The following NOX3 variants were observed in gnomAD, a reference collection of about 807,000 sequenced individuals.
The protein encoded by NOX3 is NADPH oxidase 3.
Under a neutral mutation model 76.7 loss-of-function variants are expected in NOX3, and 74 were observed. The observed-to-expected ratio is 0.96, with a 90% CI of 0.80 to 1.17. The LOEUF (loss-of-function observed/expected upper bound fraction) is 1.17, where lower values mean the gene tolerates loss of function less well. Among genes scored for constraint, NOX3 ranks in the 50% most tolerant of loss-of-function variants. The pLI is 0.00. For missense variants in NOX3, 695 were observed against 703.3 expected (o/e 0.99, Z 0.13); for synonymous variants, 263 against 261.1 (o/e 1.01, Z -0.07).
At chr6:155,397,781 A>C (rs1779158977) in intron 12 of NOX3, among the ~76,000 whole-genome samples, 2 of 152,238 alleles carry the variant, frequency 1.3e-5, no homozygotes, top group Non-Finnish European at 2.9e-5. Flanking sequence ...TAGCAATTTA[A>C]TTAATTTCTC....
intron 10 of NOX3, among the ~76,000 whole-genome samples, chr6:155,413,978 T>C (rs934892834): frequency 2.0e-5 from 3 of 152,232 alleles, no homozygotes; most frequent in African/African-American, 4.8e-5. Context: ...TCTTTTCAAA[T>C]AGAAATCCTT....
intron 10 of NOX3, among the ~76,000 whole-genome samples, chr6:155,421,793 C>T (rs772002437): frequency 2.0e-5 from 3 of 152,134 alleles, no homozygotes; most frequent in Non-Finnish European, 4.4e-5. Context: ...CTGCGCCCCA[C>T]CCCCGCAGAA....
intron 4 of NOX3, among the ~76,000 whole-genome samples, chr6:155,448,628 T>C (rs895400156): frequency 7.1e-6 from 1 of 141,804 alleles, no homozygotes; most frequent in Non-Finnish European, 1.5e-5. Context: ...GAGCTTTCCA[T>C]TGAAGAGTGA....
At chr6:155,450,793 A>T (rs1777124259) in intron 4 of NOX3, among the ~76,000 whole-genome samples, 1 of 151,982 alleles carries the variant, frequency 6.6e-6, no homozygotes, top group African/African-American at 2.4e-5. Flanking sequence ...AGCCAGGGGG[A>T]TATGGCAGGA....
intron 10 of NOX3, among the ~76,000 whole-genome samples, chr6:155,412,966 G>A (rs183609862): frequency 6.6e-6 from 1 of 152,328 alleles, no homozygotes; most frequent in Admixed American, 6.5e-5. Flanking sequence ...ACCCCAGGCG[G>A]GTTAGAAGTG....
rs59359497 is a variant in NOX3, at chr6:155,420,714, A to G, written c.1308+1980T>C. Among the ~76,000 whole-genome samples the G allele has an allele frequency of 6.2e-3, 948 of 152,326 alleles. 14 individuals are homozygous for G. Among genetic ancestry groups the G allele is most frequent in the African/African-American group, 0.021 (891 of 41,572 alleles). On this transcript the variant is annotated intron_variant, in intron 10 of 13. Coordinates refer to ENST00000159060, the MANE Select transcript of NOX3 (RefSeq NM_015718.3). Reference sequence around the variant, plus strand: ...TAGTTTTCTCATCTGTAAAATGGGAATAAAAATGATAAGTATGACGAAAAG... The same window carrying G: ...TAGTTTTCTCATCTGTAAAATGGGAGTAAAAATGATAAGTATGACGAAAAG...
intron 12 of NOX3, among the ~76,000 whole-genome samples, chr6:155,399,481 G>A (rs1162809164): frequency 6.6e-6 from 1 of 152,172 alleles, no homozygotes; most frequent in Non-Finnish European, 1.5e-5. Flanking sequence ...ATCCGCCGTG[G>A]TGATGCAATC....
At chr6:155,431,352 A>G (rs1219372196) in intron 7 of NOX3, among the ~76,000 whole-genome samples, 4 of 151,784 alleles carry the variant, frequency 2.6e-5, no homozygotes, top group Non-Finnish European at 5.9e-5. Flanking sequence ...AAAATCTCAA[A>G]TAGTAATTTT....
chr6:155,438,833 A>C (rs996112325), intron 6 of NOX3, among the ~76,000 whole-genome samples: 17 of 152,186 alleles, frequency 1.1e-4, no homozygotes, highest in African/African-American at 4.1e-4. Flanking sequence ...TGGGAGAATG[A>C]GGGGTGGAAG....
chr6:155,440,677 AAAAAAC>A (rs1776972566), intron 5 of NOX3, among the ~76,000 whole-genome samples: 2 of 143,922 alleles, frequency 1.4e-5, no homozygotes, highest in Non-Finnish European at 3.0e-5. Flanking sequence ...GGGAAAAAAG[AAAAAAC>A]AAAAAAAAAA....
At position 155,451,498 on chromosome 6, in the gene NOX3, T is replaced by C. The variant is rs141903620; in HGVS notation, c.340+1906A>G. Among the ~76,000 whole-genome samples the C allele has an allele frequency of 1.6e-4, 24 of 152,328 alleles. 1 individual carries two copies. In the East Asian group the frequency reaches 4.6e-3, roughly 29 times the overall value. On this transcript the variant is annotated intron_variant, in intron 4 of 13. Transcript: ENST00000159060. Reference sequence around the variant, plus strand: ...GTATCTTTAACACGGGGGATATTCATTATACGTTTCTAATGCATTGGTATT... The same window carrying C: ...GTATCTTTAACACGGGGGATATTCACTATACGTTTCTAATGCATTGGTATT...
At chr6:155,420,946 A>C (rs1017888433) in intron 10 of NOX3, among the ~76,000 whole-genome samples, 1 of 152,180 alleles carries the variant, frequency 6.6e-6, no homozygotes, top group Non-Finnish European at 1.5e-5. Flanking sequence ...TTAGCATTAA[A>C]ACTCCCTGTT....
At chr6:155,447,048 C>T (rs1395871839) in intron 4 of NOX3, among the ~76,000 whole-genome samples, 1 of 143,822 alleles carries the variant, frequency 7.0e-6, no homozygotes, top group African/African-American at 2.5e-5. Flanking sequence ...TATTTTATAA[C>T]TTTTTTTTTT....
Position 155,409,082 on chromosome 6 carries a change from G to C in NOX3, c.1456-1828C>G, listed in dbSNP as rs117264174. 8.3e-3 allele frequency among the ~76,000 whole-genome samples: 1,262 copies of C among 152,194 alleles called. 10 individuals carry two copies. Among genetic ancestry groups the C allele is most frequent in the Non-Finnish European group, 0.015 (1,008 of 67,996 alleles). On this transcript the variant is annotated intron_variant, in intron 11 of 13. Coordinates refer to ENST00000159060, the MANE Select transcript of NOX3 (RefSeq NM_015718.3). ...TAACAAATGGGCACACGCACCCTCTGAATCTAAAAAATAAAGAAAATATAA... is the reference window on the plus strand; with the variant it reads ...TAACAAATGGGCACACGCACCCTCTCAATCTAAAAAATAAAGAAAATATAA...
Position 155,443,362 on chromosome 6 carries a change from C to G in NOX3, c.397G>C (p.Glu133Gln). Reference protein sequence around the residue: ...NLERYHWSQSEEAQGLLAALS... With the variant: ...NLERYHWSQSQEAQGLLAALS... ...GCGGCCAGAAGTCCCTGGGCCTCCTCGGACTGGCTCCAGTGGTAGCGTTCC... is the reference window on the plus strand; with the variant it reads ...GCGGCCAGAAGTCCCTGGGCCTCCTGGGACTGGCTCCAGTGGTAGCGTTCC... The change falls in exon 5 of 14, where the codon GAG becomes CAG. Residue 133 changes from glutamate (E) to glutamine (Q), a missense_variant. Physicochemically the swap from Glu to Gln is conservative, Grantham distance 29 (BLOSUM62 2). Transcript: ENST00000159060. The G allele has an allele frequency of 1.2e-6, 2 of 1,614,018 alleles. No individual in the cohort carries two copies. The highest frequency in any genetic ancestry group is 1.7e-6 in the Non-Finnish European group (2 of 1,179,944).
In NOX3 at chr6:155,422,855, G is replaced by A. The variant is rs747384826; in HGVS notation, c.1147C>T (p.Leu383=). Residue 383 remains leucine (L), a splice_region_variant and synonymous_variant, in exon 10 of 14, where the codon CTG becomes TTG. Transcript: ENST00000159060. ...ALQEPWSLPR[L]AVDGPFGTAL... ...GTTCCAAAGGGCCCGTCCACTGCCA[G>A]CCTGGAATCATAGAGGAATGCAGCC... The A allele has an allele frequency of 6.2e-7, 1 of 1,614,106 alleles. No homozygotes were observed. Among genetic ancestry groups the A allele is most frequent in the South Asian group, 1.1e-5 (1 of 91,056 alleles).
At chr6:155,423,095 C>T (rs1776712082) in intron 9 of NOX3, among the ~76,000 whole-genome samples, 1 of 152,166 alleles carries the variant, frequency 6.6e-6, no homozygotes, top group African/African-American at 2.4e-5. Flanking sequence ...AAGGACAAAG[C>T]CTGACATCTC....
chr6:155,435,282 G>A (rs1035001418), intron 7 of NOX3, among the ~76,000 whole-genome samples: 10 of 152,080 alleles, frequency 6.6e-5, no homozygotes, highest in African/African-American at 1.7e-4. Context: ...AGGTGTGGGG[G>A]AGTATTGATT....
At chr6:155,396,509 C>T (rs777357281) in intron 13 of NOX3, among the ~76,000 whole-genome samples, 3 of 152,148 alleles carry the variant, frequency 2.0e-5, no homozygotes, top group South Asian at 4.1e-4. Context: ...AAATCCAGCT[C>T]GCCCCCTGAG....
Sources: allele counts gnomAD v4.1 joint callset (sites outside exome capture counted in the v4.1 genomes callset), GRCh38; gene constraint gnomAD v4.1.1; transcripts MANE v1.5; gene names NCBI Gene and HGNC (gene_info 2026-07-23, HGNC 2026-07-21).